The following CSMD1 variants were observed in gnomAD, a reference collection of about 807,000 sequenced individuals.
CSMD1 encodes the protein CUB and sushi domain-containing protein 1.
Under a neutral mutation model 417.5 loss-of-function variants are expected in CSMD1, and 213 were observed. The ratio of observed to expected loss-of-function variants is 0.51; its 90% CI spans 0.46 to 0.57. The LOEUF (loss-of-function observed/expected upper bound fraction) is 0.57. CSMD1 is among the 20% of genes least tolerant of loss of function. The probability of loss-of-function intolerance (pLI) is 0.00; values close to 1 mark genes in which losing one functional copy is unlikely to be tolerated. For missense variants in CSMD1, 6,923 were observed against 4,529.7 expected (o/e 1.53, Z -15.17); for synonymous variants, 2,862 against 1,736.8 (o/e 1.65, Z -16.11).
chr8:3,545,467 A>G (rs1798618523), intron 10 of CSMD1, among the ~76,000 whole-genome samples: 2 of 152,220 alleles, frequency 1.3e-5, no homozygotes, highest in Admixed American at 6.5e-5. Flanking sequence ...TAAATTTTCC[A>G]GGCCTAGGTC....
intron 5 of CSMD1, among the ~76,000 whole-genome samples, chr8:3,972,986 T>G (rs1813189058): frequency 1.3e-5 from 2 of 152,190 alleles, no homozygotes; most frequent in Non-Finnish European, 2.9e-5. Flanking sequence ...GGAAAAACAT[T>G]TACTGCTTAA....
chr8:3,426,162 A>C (rs767299528), intron 12 of CSMD1, among the ~76,000 whole-genome samples: 2 of 152,210 alleles, frequency 1.3e-5, no homozygotes, highest in African/African-American at 4.8e-5. Flanking sequence ...TTTCCTTTCA[A>C]TAACAGTAGA....
intron 1 of CSMD1, among the ~76,000 whole-genome samples, chr8:4,867,551 G>T (rs887817013): frequency 1.8e-4 from 28 of 151,968 alleles, no homozygotes; most frequent in Non-Finnish European, 3.8e-4. Flanking sequence ...AAATTGCAAG[G>T]GATAGTCCCA....
chr8:4,177,643 T>C (rs1389043439), intron 3 of CSMD1, among the ~76,000 whole-genome samples: 1 of 141,728 alleles, frequency 7.1e-6, no homozygotes, highest in Non-Finnish European at 1.5e-5. Context: ...ATCCAGGAGC[T>C]GCTTTTTTGA....
intron 41 of CSMD1, among the ~76,000 whole-genome samples, chr8:3,129,704 C>T (rs1416513736): frequency 6.6e-6 from 1 of 151,882 alleles, no homozygotes; most frequent in South Asian, 2.1e-4. Context: ...AACTGTGGAG[C>T]TGGGCCGGGC....
At chr8:3,637,408 A>C (rs2117292091) in intron 7 of CSMD1, among the ~76,000 whole-genome samples, 1 of 152,298 alleles carries the variant, frequency 6.6e-6, no homozygotes, top group South Asian at 2.1e-4. Flanking sequence ...TATTAACTTA[A>C]ATAAATTAAA....
chr8:4,197,695 A>T (rs1563258630), intron 3 of CSMD1, among the ~76,000 whole-genome samples: 1 of 152,182 alleles, frequency 6.6e-6, no homozygotes, highest in South Asian at 2.1e-4. Flanking sequence ...CTTGGCCAAC[A>T]TAGTGAAGCT....
At chr8:4,104,932 A>G (rs1801492323) in intron 3 of CSMD1, among the ~76,000 whole-genome samples, 1 of 152,238 alleles carries the variant, frequency 6.6e-6, no homozygotes, top group Non-Finnish European at 1.5e-5. Flanking sequence ...ACACAACAGT[A>G]GTTTAAACAT....
chr8:3,313,546 T>C (rs1460692495), intron 23 of CSMD1, among the ~76,000 whole-genome samples: 1 of 151,974 alleles, frequency 6.6e-6, no homozygotes. Flanking sequence ...GAAATGCAAA[T>C]CAAAACCACA....
chr8:3,817,542 G>C (rs1801456050), intron 5 of CSMD1, among the ~76,000 whole-genome samples: 2 of 151,890 alleles, frequency 1.3e-5, no homozygotes, highest in Non-Finnish European at 1.5e-5. Flanking sequence ...GCCTCCCAAA[G>C]CGCAGGGATT....
chr8:4,911,747 T>C (rs1000551090), intron 1 of CSMD1, among the ~76,000 whole-genome samples: 8 of 152,146 alleles, frequency 5.3e-5, no homozygotes, highest in South Asian at 2.1e-4. Flanking sequence ...GTAAATCACG[T>C]TGGTTTCTTC....
chr8:4,499,756 AAGTT>A (rs1175994608), intron 2 of CSMD1, among the ~76,000 whole-genome samples: 10 of 152,242 alleles, frequency 6.6e-5, no homozygotes, highest in East Asian at 3.9e-4. Flanking sequence ...AAAAATAAGA[AAGTT>A]AGTAAAGGTG....
At chr8:3,912,615 G>C (rs556006100) in intron 5 of CSMD1, among the ~76,000 whole-genome samples, 1 of 152,270 alleles carries the variant, frequency 6.6e-6, no homozygotes, top group Non-Finnish European at 1.5e-5. Flanking sequence ...AGGAGCTAAG[G>C]TGAATTGCAC....
chr8:3,715,121 C>A (rs771539371), intron 6 of CSMD1, among the ~76,000 whole-genome samples: 1 of 152,162 alleles, frequency 6.6e-6, no homozygotes, highest in Non-Finnish European at 1.5e-5. Flanking sequence ...GAGGAAGAGT[C>A]ATCGAAATTC....
chr8:4,977,130 A>C (rs1367725987), intron 1 of CSMD1, among the ~76,000 whole-genome samples: 1 of 152,130 alleles, frequency 6.6e-6, no homozygotes, highest in African/African-American at 2.4e-5. Flanking sequence ...CTGGCCTTAA[A>C]ATGTTCCTAT....
chr8:3,818,847 C>G (rs929042516), intron 5 of CSMD1, among the ~76,000 whole-genome samples: 1 of 152,190 alleles, frequency 6.6e-6, no homozygotes. Context: ...GACAAGATCC[C>G]TTGCATGATT....
chr8:3,138,575 T>C (rs1818248850), intron 41 of CSMD1, among the ~76,000 whole-genome samples: 1 of 152,210 alleles, frequency 6.6e-6, no homozygotes, highest in Non-Finnish European at 1.5e-5. Flanking sequence ...AGACCTCCCC[T>C]GGTCGGAGTA....
intron 3 of CSMD1, among the ~76,000 whole-genome samples, chr8:4,051,992 C>T (rs1229139413): frequency 6.6e-6 from 1 of 151,696 alleles, no homozygotes; most frequent in African/African-American, 2.4e-5. Context: ...ACAGTGTTAT[C>T]TCGGCTCACT....
At chr8:4,149,091 G>A (rs557579559) in intron 3 of CSMD1, among the ~76,000 whole-genome samples, 34 of 151,960 alleles carry the variant, frequency 2.2e-4, no homozygotes, top group Admixed American at 7.9e-4. Context: ...AGCCTCCCAA[G>A]TAGCTGGGAT....
Sources: allele counts gnomAD v4.1 joint callset (sites outside exome capture counted in the v4.1 genomes callset), GRCh38; gene constraint gnomAD v4.1.1; transcripts MANE v1.5; gene names NCBI Gene and HGNC (gene_info 2026-07-23, HGNC 2026-07-21).